The following SULF1 variants were observed in gnomAD, a reference collection of about 807,000 sequenced individuals.
SULF1 encodes extracellular sulfatase Sulf-1.
In SULF1, 46 loss-of-function variants were observed where a neutral mutation model predicts 110.5. The ratio of observed to expected loss-of-function variants is 0.42; its 90% CI spans 0.33 to 0.53. SULF1 has a LOEUF of 0.53. Among genes scored for constraint, SULF1 ranks in the 20% least tolerant of loss-of-function variants. The pLI is 0.12. For missense variants in SULF1, 941 were observed against 1,094.2 expected (o/e 0.86, Z 1.98); for synonymous variants, 371 against 387.1 (o/e 0.96, Z 0.49).
chr8:69,634,718 C>T (rs931450525), intron 19 of SULF1, among the ~76,000 whole-genome samples: 7 of 151,440 alleles, frequency 4.6e-5, no homozygotes, highest in African/African-American at 7.3e-5. Context: ...CACCACTGGG[C>T]GACAGAGTGA....
At chr8:69,652,689 G>A (rs1812430907) in intron 22 of SULF1, among the ~76,000 whole-genome samples, 3 of 152,208 alleles carry the variant, frequency 2.0e-5, no homozygotes, top group South Asian at 4.1e-4. Context: ...TATACAGACT[G>A]TAGCCTACTC....
chr8:69,489,166 C>G (rs1254103300), upstream of SULF1, among the ~76,000 whole-genome samples: 1 of 152,196 alleles, frequency 6.6e-6, no homozygotes, highest in Non-Finnish European at 1.5e-5. Flanking sequence ...TCCATACAAA[C>G]TAAACCGACT....
Position 69,547,032 on chromosome 8 carries a change from T to G in SULF1, c.-133-16507T>G, listed in dbSNP as rs546371763. Among the ~76,000 whole-genome samples, 4 of 152,348 alleles carry G rather than the reference T, an allele frequency of 2.6e-5. No individual in the cohort carries two copies. In the South Asian group the frequency reaches 8.3e-4, roughly 32 times the overall value. On this transcript the variant is annotated intron_variant, in intron 3 of 22. Coordinates refer to ENST00000402687, the MANE Select transcript of SULF1 (RefSeq NM_001128205.2). ...TTAGCTTATATATTTTTGCCATCTA[T>G]ATCCATGAATGATCAAGTTGACAAT...
At position 69,612,086 on chromosome 8, in the gene SULF1, G is replaced by A. The variant is rs543470858; in HGVS notation, c.1377+7154G>A. On this transcript the variant is annotated intron_variant, in intron 13 of 22. Transcript: ENST00000402687. ...CATAGCTTAGCTCCCACTTGTAAGT[G>A]AGAAAATAAAATATTTGGTTTTCCA... Among the ~76,000 whole-genome samples, 124 of 152,178 alleles carry A rather than the reference G, an allele frequency of 8.1e-4. 1 individual carries two copies. The highest frequency in any genetic ancestry group is 1.3e-3 in the Non-Finnish European group (89 of 67,978).
At chr8:69,472,558 A>G (rs1242348919) in intron 1 of SULF1, among the ~76,000 whole-genome samples, 1 of 152,230 alleles carries the variant, frequency 6.6e-6, no homozygotes, top group Non-Finnish European at 1.5e-5. Context: ...GTCCTTAGAC[A>G]TTGGATATTC....
At chr8:69,561,011 T>C (rs1226529440) in intron 3 of SULF1, among the ~76,000 whole-genome samples, 1 of 152,176 alleles carries the variant, frequency 6.6e-6, no homozygotes, top group African/African-American at 2.4e-5. Context: ...GTTCCAAAGT[T>C]CTAGTGAGAC....
intron 5 of SULF1, among the ~76,000 whole-genome samples, chr8:69,566,680 G>A (rs1353173078): frequency 2.0e-5 from 3 of 152,036 alleles, no homozygotes; most frequent in Non-Finnish European, 4.4e-5. Flanking sequence ...GTGAAACCCC[G>A]TCTGTACTAA....
At chr8:69,603,546 C>A (rs1426242092) in intron 11 of SULF1, 54 bp from the exon 12 acceptor site, 5 of 1,448,942 alleles carry the variant, frequency 3.5e-6, no homozygotes, top group Non-Finnish European at 4.9e-6. Flanking sequence ...TAGCACAGAT[C>A]CATTTGGAAA....
At chr8:69,646,300 T>C (rs1811903412) in intron 22 of SULF1, among the ~76,000 whole-genome samples, 1 of 152,196 alleles carries the variant, frequency 6.6e-6, no homozygotes, top group South Asian at 2.1e-4. Flanking sequence ...CACTTCCCAA[T>C]TTGAGGACCA....
At position 69,592,098 on chromosome 8, in the gene SULF1, GACC is replaced by G. The variant is rs141104699; in HGVS notation, c.734+2959_734+2961del. On this transcript the variant is annotated intron_variant, in intron 8 of 22. Transcript: ENST00000402687. ...TGAAGGAAACCAGGAAAACTTCATG[GACC>G]AAGGCTTCAAAGTGGGCCTCAAAAG... 3.0e-3 allele frequency among the ~76,000 whole-genome samples: 455 copies of G among 152,236 alleles called. 3 individuals carry two copies. The highest frequency in any genetic ancestry group is 0.01 in the African/African-American group (428 of 41,530).
chr8:69,608,283 T>C (rs190097101), intron 13 of SULF1, among the ~76,000 whole-genome samples: 1 of 152,254 alleles, frequency 6.6e-6, no homozygotes, highest in African/African-American at 2.4e-5. Flanking sequence ...TGTAATGTAC[T>C]AAAGTGAGAC....
intron 13 of SULF1, among the ~76,000 whole-genome samples, chr8:69,620,199 C>G (rs1353766126): frequency 6.6e-6 from 1 of 152,178 alleles, no homozygotes; most frequent in South Asian, 2.1e-4. Flanking sequence ...TTCAGACGTT[C>G]CTCTTCTGTC....
intron 3 of SULF1, among the ~76,000 whole-genome samples, chr8:69,521,280 T>G (rs1393486905): frequency 6.6e-6 from 1 of 152,220 alleles, no homozygotes; most frequent in Non-Finnish European, 1.5e-5. Context: ...GATACATTAC[T>G]GCACAAAATA....
chr8:69,560,001 A>C (rs1409759997), intron 3 of SULF1, among the ~76,000 whole-genome samples: 1 of 152,184 alleles, frequency 6.6e-6, no homozygotes, highest in Non-Finnish European at 1.5e-5. Context: ...CATCTGTAGA[A>C]ATGTCAGCGC....
intron 21 of SULF1, among the ~76,000 whole-genome samples, 200 bp downstream of exon 21, chr8:69,639,058 G>C (rs1035532225): frequency 1.3e-5 from 2 of 152,168 alleles, no homozygotes; most frequent in Non-Finnish European, 2.9e-5. Context: ...TCCACCAAAA[G>C]ATTTGGTGAG....
At chr8:69,490,373 T>C (rs1197877534), upstream of SULF1, among the ~76,000 whole-genome samples, 1 of 152,184 alleles carries the variant, frequency 6.6e-6, no homozygotes, top group Non-Finnish European at 1.5e-5. Flanking sequence ...AGCACTGGCA[T>C]TATAGGCATG....
At chr8:69,644,605 C>T (rs2130703639) in intron 22 of SULF1, among the ~76,000 whole-genome samples, 1 of 151,510 alleles carries the variant, frequency 6.6e-6, no homozygotes, top group African/African-American at 2.4e-5. Context: ...GAAACCCCGT[C>T]TGTACTAAAA....
At chr8:69,586,588 T>A in intron 7 of SULF1, 80 bp downstream of exon 7, 1 of 1,428,472 alleles carries the variant, frequency 7.0e-7, no homozygotes, top group South Asian at 1.3e-5. Context: ...AGTTAAACTA[T>A]CCACAAGATT....
At chr8:69,552,696 A>G (rs1297854049) in intron 3 of SULF1, among the ~76,000 whole-genome samples, 4 of 152,244 alleles carry the variant, frequency 2.6e-5, no homozygotes, top group Non-Finnish European at 2.9e-5. Flanking sequence ...CACATTAAAA[A>G]CAATCCCTTC....
Sources: allele counts gnomAD v4.1 joint callset (sites outside exome capture counted in the v4.1 genomes callset), GRCh38; gene constraint gnomAD v4.1.1; transcripts MANE v1.5; gene names NCBI Gene and HGNC (gene_info 2026-07-23, HGNC 2026-07-21).